ANKAR: variants seen among roughly 807,000 people sequenced by gnomAD.
The protein encoded by ANKAR is ankyrin and armadillo repeat-containing protein.
Under a neutral mutation model 146.2 loss-of-function variants are expected in ANKAR, and 136 were observed. The observed-to-expected ratio is 0.93, with a 90% CI of 0.81 to 1.07. The LOEUF (loss-of-function observed/expected upper bound fraction) is 1.07. Ranked by LOEUF, ANKAR falls within the 50% of genes least tolerant of loss-of-function variation. The probability of loss-of-function intolerance (pLI) is 0.00; values close to 1 mark genes in which losing one functional copy is unlikely to be tolerated. For synonymous variants in ANKAR, 500 were observed against 575.8 expected, an observed-to-expected ratio of 0.87 and a Z score of 1.88; for missense variants, 1,567 against 1,679.9, an observed-to-expected ratio of 0.93 and a Z score of 1.18.
chr2:189,713,975 T>C (rs1046048824), intron 10 of ANKAR, among the ~76,000 whole-genome samples: 1 of 152,098 alleles, frequency 6.6e-6, no homozygotes, highest in Non-Finnish European at 1.5e-5. Flanking sequence ...TAGTCTCTGA[T>C]AAAACAGACT....
chr2:189,682,414 G>A (rs1289647586), intron 2 of ANKAR, among the ~76,000 whole-genome samples: 1 of 152,090 alleles, frequency 6.6e-6, no homozygotes, highest in East Asian at 1.9e-4. Context: ...TGTGGTGCAA[G>A]CAGTGGTAAA....
intron 18 of ANKAR, among the ~76,000 whole-genome samples, chr2:189,758,296 G>A (rs950032781): frequency 4.8e-4 from 73 of 152,196 alleles, no homozygotes; most frequent in African/African-American, 1.4e-3. Context: ...GGGGAGAATC[G>A]CTTGAACCCG....
At chr2:189,761,761 G>C (rs2047092964), downstream of ANKAR, 1 of 1,249,964 alleles carries the variant, frequency 8.0e-7, no homozygotes, top group Non-Finnish European at 1.1e-6. Context: ...GTTTGTAAAA[G>C]TCACCAAAAG....
rs759429397 is a variant in ANKAR at position 189,696,181 on chromosome 2, A to C, written c.1520A>C (p.Glu507Ala). The change falls in exon 7 of 23, where the codon GAA (glutamate) becomes GCA (alanine). Residue 507 changes from glutamate to alanine, a missense_variant. Glu to Ala is a moderately radical substitution (Grantham distance 107). Transcript: ENST00000684021. ...SIPFGMKSAV[E>A]RGLSAVFHTF... ...CCATTTGGTATGAAGTCCGCTGTTG[A>C]AAGAGGGTTGTCTGCAGTTTTCCAC... 6.2e-6 allele frequency: 10 copies of C among 1,614,052 alleles called. No individual in the cohort carries two copies. The South Asian group carries it at 1.1e-4, about 18-fold the overall frequency.
chr2:189,730,433 G>GTT (rs998611014), intron 15 of ANKAR, 62 bp from the exon 16 acceptor site: 1 of 1,034,632 alleles, frequency 9.7e-7, no homozygotes, highest in African/African-American at 1.7e-5. Context: ...ATCAAGCTAT[G>GTT]TTTGACTTTA....
intron 18 of ANKAR, among the ~76,000 whole-genome samples, chr2:189,760,878 G>A (rs1292400313): frequency 6.6e-6 from 1 of 152,074 alleles, no homozygotes; most frequent in Non-Finnish European, 1.5e-5. Context: ...ATTCCCACAT[G>A]ACAACTGGCT....
intron 16 of ANKAR, among the ~76,000 whole-genome samples, chr2:189,732,197 T>C (rs2042464941): frequency 1.3e-5 from 2 of 152,226 alleles, no homozygotes; most frequent in Admixed American, 1.3e-4. Flanking sequence ...ATGTTTTTCA[T>C]AGAAATGCAT....
At chr2:189,734,574 T>C (rs1247911151) in intron 17 of ANKAR, among the ~76,000 whole-genome samples, 1 of 152,142 alleles carries the variant, frequency 6.6e-6, no homozygotes, top group East Asian at 1.9e-4. Flanking sequence ...GCCAGCGACG[T>C]TTCTCTCAGT....
chr2:189,696,235 C>T lies in ANKAR; in HGVS notation c.1574C>T (p.Thr525Ile). 3 of 1,614,132 alleles carry T rather than the reference C, an allele frequency of 1.9e-6. No individual in the cohort carries two copies. The highest frequency in any genetic ancestry group is 1.6e-4 in the Middle Eastern group (1 of 6,062). Residue 525 changes from threonine (T) to isoleucine (I), a missense_variant, in exon 7 of 23, where the codon ACA becomes ATA. Coordinates refer to ENST00000684021, the MANE Select transcript of ANKAR (RefSeq NM_001378068.1). ...HTFSRKTSSS[T>I]INVSDEAGYT... Reference sequence around the variant, plus strand: ...TTTAGCCGTAAAACCTCAAGCTCAACAATCAATGTTTCAGATGAAGCAGGT... The same window carrying T: ...TTTAGCCGTAAAACCTCAAGCTCAATAATCAATGTTTCAGATGAAGCAGGT...
chr2:189,751,569 C>T (rs369495748), downstream of ANKAR, among the ~76,000 whole-genome samples: 50 of 151,314 alleles, frequency 3.3e-4, no homozygotes, highest in South Asian at 9.4e-3. Flanking sequence ...CTCAGCCTCC[C>T]GAGTAGCTGC....
intron 10 of ANKAR, among the ~76,000 whole-genome samples, chr2:189,716,574 A>G (rs2040486492): frequency 6.6e-6 from 1 of 152,198 alleles, no homozygotes; most frequent in Non-Finnish European, 1.5e-5. Flanking sequence ...TTCTTCACAG[A>G]ATTGGTAAAA....
At chr2:189,676,330 C>T in intron 1 of ANKAR, 126 bp from the exon 2 acceptor site, 4 of 831,594 alleles carry the variant, frequency 4.8e-6, no homozygotes, top group South Asian at 4.7e-5. Context: ...AATTTGAAAA[C>T]TATAATGGTT....
intron 18 of ANKAR, chr2:189,752,684 G>A (rs1467118308): frequency 1.2e-6 from 2 of 1,613,794 alleles, no homozygotes; most frequent in South Asian, 1.1e-5. Context: ...TCTATGTCAT[G>A]TAAAATGCCC....
downstream of ANKAR, among the ~76,000 whole-genome samples, chr2:189,751,452 T>G (rs1008739912): frequency 1.3e-5 from 2 of 150,776 alleles, no homozygotes; most frequent in South Asian, 2.1e-4. Context: ...GTGTTTTTTT[T>G]TTTTTTTTTT....
intron 7 of ANKAR, 40 bp downstream of exon 7, chr2:189,696,409 T>TA: frequency 6.3e-7 from 1 of 1,576,934 alleles, no homozygotes; most frequent in Non-Finnish European, 8.6e-7. Flanking sequence ...TGTTATTTTA[T>TA]TTACCCTTAC....
chr2:189,731,283 A>G (rs1284981286), intron 16 of ANKAR, among the ~76,000 whole-genome samples: 1 of 152,216 alleles, frequency 6.6e-6, no homozygotes, highest in African/African-American at 2.4e-5. Context: ...TTTTATTTTC[A>G]AAATTTGGTA....
Position 189,741,806 on chromosome 2 carries a change from A to C in ANKAR, c.3810+355A>C, listed in dbSNP as rs545860416. 7.2e-5 allele frequency among the ~76,000 whole-genome samples: 11 copies of C among 152,334 alleles called. No homozygotes were observed. The South Asian group carries it at 2.3e-3, about 32-fold the overall frequency. The stretch of plus-strand genomic sequence containing the variant: ...TTAAAAAGAACTACCTGTTCAAATT[A>C]GTTTCTGATTTAAAAAACAAAAACA... On this transcript the variant is annotated intron_variant, in intron 20 of 22. Coordinates refer to ENST00000684021, the MANE Select transcript of ANKAR (RefSeq NM_001378068.1).
rs117292168 is a variant in ANKAR, at chr2:189,730,961, G to A, written c.3300+360G>A. The stretch of plus-strand genomic sequence containing the variant: ...CAGACATCAGTTGCTAAAACTGGGC[G>A]GCGATAGTGGGAATGTGTGACTTAT... On this transcript the variant is annotated intron_variant, in intron 16 of 22. Transcript: ENST00000684021. Among the ~76,000 whole-genome samples the A allele has an allele frequency of 4.8e-4, 73 of 152,236 alleles. 1 individual carries two copies. In the East Asian group the frequency reaches 0.013, roughly 27 times the overall value.
At chr2:189,744,395 C>T (rs1269130498) in intron 21 of ANKAR, among the ~76,000 whole-genome samples, 1 of 152,192 alleles carries the variant, frequency 6.6e-6, no homozygotes, top group African/African-American at 2.4e-5. Context: ...TACACAGTCA[C>T]TCCCACAGCT....
Sources: gnomAD v4.1 joint callset for allele counts (sites outside exome capture counted in the v4.1 genomes callset) on GRCh38, gnomAD v4.1.1 for gene constraint, MANE v1.5 for transcripts, NCBI Gene and HGNC (gene_info 2026-07-23, HGNC 2026-07-21) for gene names.